The following RABGAP1L variants were observed in gnomAD, a reference collection of about 807,000 sequenced individuals.
RABGAP1L encodes the protein rab GTPase-activating protein 1-like.
In RABGAP1L, 63 loss-of-function variants were observed where a neutral mutation model predicts 137.7. The observed-to-expected ratio is 0.46, with a 90% confidence interval of 0.37 to 0.56. The LOEUF is 0.56. Among genes scored for constraint, RABGAP1L ranks in the 20% least tolerant of loss-of-function variants. RABGAP1L has a pLI of 0.00. For missense variants in RABGAP1L, 1,095 were observed against 1,244.0 expected (o/e 0.88, Z 1.80); for synonymous variants, 431 against 433.7 (o/e 0.99, Z 0.08).
chr1:174,225,744 C>G (rs571263112), intron 3 of RABGAP1L, among the ~76,000 whole-genome samples: 85 of 152,232 alleles, frequency 5.6e-4, no homozygotes, highest in Non-Finnish European at 9.4e-4. Context: ...CCTTCTACCC[C>G]TGTGTTAGAA....
chr1:174,989,189 GTC>G (rs1391295554), intron 25 of RABGAP1L, among the ~76,000 whole-genome samples: 12 of 152,142 alleles, frequency 7.9e-5, no homozygotes, highest in African/African-American at 2.9e-4. Flanking sequence ...CCTCTGCTGT[GTC>G]TACCCTGAGA....
At chr1:174,885,431 C>T (rs1390590665) in intron 19 of RABGAP1L, among the ~76,000 whole-genome samples, 1 of 152,158 alleles carries the variant, frequency 6.6e-6, no homozygotes, top group African/African-American at 2.4e-5. Context: ...GTCTGTCGCT[C>T]ACTGCTGCCT....
chr1:174,482,200 T>G (rs910376612), intron 13 of RABGAP1L, among the ~76,000 whole-genome samples: 6 of 152,186 alleles, frequency 3.9e-5, no homozygotes, highest in Non-Finnish European at 8.8e-5. Flanking sequence ...GAAAATAGAT[T>G]TCCCCCCAGA....
intron 19 of RABGAP1L, among the ~76,000 whole-genome samples, chr1:174,949,739 T>G (rs567615458): frequency 6.6e-6 from 1 of 152,334 alleles, no homozygotes; most frequent in South Asian, 2.1e-4. Context: ...ATATTATTTA[T>G]TGATAGGAAA....
chr1:174,977,121 G>C (rs1425118737), intron 22 of RABGAP1L, among the ~76,000 whole-genome samples: 2 of 152,156 alleles, frequency 1.3e-5, no homozygotes, highest in Non-Finnish European at 2.9e-5. Context: ...GCATTTCAAG[G>C]ATCTACATCC....
intron 19 of RABGAP1L, among the ~76,000 whole-genome samples, chr1:174,819,805 A>C (rs1480001177): frequency 6.6e-6 from 1 of 152,226 alleles, no homozygotes; most frequent in African/African-American, 2.4e-5. Flanking sequence ...AGAAAAGTTA[A>C]AGATTAAATA....
chr1:174,786,855 C>T (rs987826250), intron 18 of RABGAP1L, among the ~76,000 whole-genome samples: 2 of 152,056 alleles, frequency 1.3e-5, no homozygotes, highest in Non-Finnish European at 1.5e-5. Flanking sequence ...TATTTCTTCA[C>T]GTGAGCATCA....
chr1:174,269,227 A>AGCCACTGC (rs1472502461), intron 7 of RABGAP1L, among the ~76,000 whole-genome samples: 3 of 152,218 alleles, frequency 2.0e-5, no homozygotes, highest in African/African-American at 4.8e-5. Context: ...TACAGGCGTG[A>AGCCACTGC]GCCACTGCGC....
chr1:174,804,130 G>GT (rs1278995340), intron 18 of RABGAP1L, among the ~76,000 whole-genome samples: 1 of 152,008 alleles, frequency 6.6e-6, no homozygotes, highest in Non-Finnish European at 1.5e-5. Context: ...ATTGAAAATG[G>GT]TATCAGTGGT....
chr1:174,744,454 G>A (rs1683710886), intron 17 of RABGAP1L, among the ~76,000 whole-genome samples: 1 of 152,122 alleles, frequency 6.6e-6, no homozygotes, highest in South Asian at 2.1e-4. Context: ...AAGCCAAATG[G>A]ATTTTCTTTT....
intron 13 of RABGAP1L, among the ~76,000 whole-genome samples, chr1:174,526,589 C>T (rs979684586): frequency 6.6e-6 from 1 of 151,954 alleles, no homozygotes; most frequent in African/African-American, 2.4e-5. Context: ...GGAATTTATC[C>T]ATTTTCTCTT....
intron 13 of RABGAP1L, among the ~76,000 whole-genome samples, chr1:174,412,249 G>C (rs1005134293): frequency 6.6e-6 from 1 of 151,876 alleles, no homozygotes; most frequent in Non-Finnish European, 1.5e-5. Context: ...ACTTTTGTTG[G>C]CTTAAAGTGT....
At chr1:174,570,751 T>C (rs1667913436) in intron 13 of RABGAP1L, among the ~76,000 whole-genome samples, 1 of 152,136 alleles carries the variant, frequency 6.6e-6, no homozygotes, top group South Asian at 2.1e-4. Context: ...AAATGGCTTT[T>C]ATAAAAAAGT....
At chr1:174,713,569 C>G (rs1680757999) in intron 17 of RABGAP1L, among the ~76,000 whole-genome samples, 1 of 152,160 alleles carries the variant, frequency 6.6e-6, no homozygotes, top group South Asian at 2.1e-4. Flanking sequence ...AAACCCTGCT[C>G]TCGTTTACTC....
chr1:174,644,136 A>G (rs1290630008), intron 14 of RABGAP1L, among the ~76,000 whole-genome samples: 1 of 152,038 alleles, frequency 6.6e-6, no homozygotes, highest in Admixed American at 6.6e-5. Context: ...AACTGAGAAG[A>G]TATAATGTGA....
At chr1:174,960,346 T>A (rs1289024158) in intron 20 of RABGAP1L, among the ~76,000 whole-genome samples, 4 of 152,208 alleles carry the variant, frequency 2.6e-5, no homozygotes, top group African/African-American at 9.6e-5. Context: ...TCAACAGTCA[T>A]ACTTCTTGCT....
chr1:174,599,340 T>G (rs527371967), intron 13 of RABGAP1L, among the ~76,000 whole-genome samples: 1 of 152,370 alleles, frequency 6.6e-6, no homozygotes, highest in East Asian at 1.9e-4. Flanking sequence ...TTTTATCTTT[T>G]GATCTTTATA....
intron 11 of RABGAP1L, among the ~76,000 whole-genome samples, chr1:174,306,960 CTG>C (rs931025906): frequency 1.3e-4 from 20 of 152,198 alleles, no homozygotes; most frequent in African/African-American, 4.6e-4. Flanking sequence ...CTGTATGAAA[CTG>C]TTTTTTTCTA....
intron 7 of RABGAP1L, among the ~76,000 whole-genome samples, chr1:174,267,131 T>C (rs748883102): frequency 6.6e-6 from 1 of 152,180 alleles, no homozygotes; most frequent in Non-Finnish European, 1.5e-5. Flanking sequence ...TTTGCTAGCA[T>C]GTCAGCCAAA....
Sources: allele counts gnomAD v4.1 joint callset (sites outside exome capture counted in the v4.1 genomes callset), GRCh38; gene constraint gnomAD v4.1.1; transcripts MANE v1.5; gene names NCBI Gene and HGNC (gene_info 2026-07-23, HGNC 2026-07-21).